SHB: variants seen among roughly 807,000 people sequenced by gnomAD.
The protein encoded by SHB is SH2 domain-containing adapter protein B.
SHB carries 20 observed loss-of-function variants against 52.3 expected under a neutral mutation model. The ratio of observed to expected loss-of-function variants is 0.38; its 90% CI spans 0.27 to 0.56. The LOEUF is 0.56. Ranked by LOEUF, SHB falls within the 20% of genes least tolerant of loss-of-function variation. The probability of loss-of-function intolerance (pLI) is 0.71; values close to 1 mark genes in which losing one functional copy is unlikely to be tolerated. For missense variants in SHB, 825 were observed against 723.3 expected (o/e 1.14, Z -1.61); for synonymous variants, 397 against 316.5 (o/e 1.25, Z -2.70).
chr9:38,010,371 G>T (rs188183580), intron 2 of SHB, among the ~76,000 whole-genome samples: 2 of 152,288 alleles, frequency 1.3e-5, no homozygotes, highest in East Asian at 3.9e-4. Context: ...GTGAAGAGAC[G>T]ATCTCAGGCA....
rs532048583 is a variant in SHB, at chr9:38,018,873, C to T, written c.718-2742G>A. 5.4e-4 allele frequency among the ~76,000 whole-genome samples: 82 copies of T among 152,354 alleles called. 1 individual carries two copies. The highest frequency in any genetic ancestry group is 1.8e-3 in the African/African-American group (76 of 41,576). On this transcript the variant is annotated intron_variant, in intron 1 of 5. Transcript: ENST00000377707. Reference sequence around the variant, plus strand: ...GGCCATGCAGAAGGTTTGTGTGAAGCGTGCTGCTTTTTTGAGCTAAAAGAA... The same window carrying T: ...GGCCATGCAGAAGGTTTGTGTGAAGTGTGCTGCTTTTTTGAGCTAAAAGAA...
At position 37,983,487 on chromosome 9, in the gene SHB, C is replaced by T. The variant is rs1004915390; in HGVS notation, c.839-8650G>A. Among the ~76,000 whole-genome samples the T allele has an allele frequency of 3.9e-5, 6 of 152,156 alleles. No homozygotes were observed. The East Asian group carries it at 9.7e-4, about 25-fold the overall frequency. On this transcript the variant is annotated intron_variant, in intron 2 of 5. Coordinates refer to ENST00000377707, the MANE Select transcript of SHB (RefSeq NM_003028.3). ...GGAGTGATGCCCAGGAACCTCTGGG[C>T]AGGGAGGAGCTGGGCAGGACACAGG...
intron 1 of SHB, among the ~76,000 whole-genome samples, chr9:38,035,811 G>A (rs2118125713): frequency 6.6e-6 from 1 of 152,170 alleles, no homozygotes; most frequent in African/African-American, 2.4e-5. Flanking sequence ...AAAAACTCCT[G>A]GGGAGCTTTT....
Position 38,016,000 on chromosome 9 carries a change from G to C in SHB, c.838+11C>G, listed in dbSNP as rs764835571. On this transcript the variant is annotated intron_variant, in intron 2 of 5. Transcript: ENST00000377707. ...CCCAGCTGTGAGCCCCTGCGCTTCA[G>C]CTCCACTTACCTGTCATGATCCTCT... 18 of 1,613,746 alleles carry C rather than the reference G, an allele frequency of 1.1e-5. No homozygotes were observed. The East Asian group carries it at 1.6e-4, about 14-fold the overall frequency.
At chr9:38,062,137 C>T (rs1821902597) in intron 1 of SHB, among the ~76,000 whole-genome samples, 1 of 152,106 alleles carries the variant, frequency 6.6e-6, no homozygotes, top group Admixed American at 6.6e-5. Context: ...ACATATATTC[C>T]AGTAAATATC....
chr9:38,007,695 G>A (rs1338134729), intron 2 of SHB, among the ~76,000 whole-genome samples: 3 of 152,212 alleles, frequency 2.0e-5, no homozygotes, highest in Non-Finnish European at 2.9e-5. Context: ...GGTACTTCAG[G>A]TTCTAACAGG....
rs759458297 is a variant in SHB, at chr9:38,068,637, C to T, written c.9G>A (p.Lys3=). Residue 3 remains lysine, a synonymous_variant, in exon 1 of 6, where the codon AAG becomes AAA. Coordinates refer to ENST00000377707, the MANE Select transcript of SHB (RefSeq NM_003028.3). MA[K]WLNKYFSLGN... ...CCAAGCTGAAGTACTTGTTTAGCCA[C>T]TTGGCCATGGCGAGAGGCCGCCTAG... 6.9e-7 allele frequency: 1 copy of T among 1,457,022 alleles called. No homozygotes were observed. The highest frequency in any genetic ancestry group is 9.0e-7 in the Non-Finnish European group (1 of 1,113,936). The allele number at this position is 1,457,022 out of a possible 1,614,324, so 90.3% of individuals were successfully genotyped here.
chr9:38,018,490 T>G lies in SHB; in HGVS notation c.718-2359A>C, dbSNP rs1465277286. Reference sequence around the variant, plus strand: ...GGTTCCAGTTATACCTGCTGACAGTTGAAAATCCTTCCATTGAAAAAAAAA... The same window carrying G: ...GGTTCCAGTTATACCTGCTGACAGTGGAAAATCCTTCCATTGAAAAAAAAA... On this transcript the variant is annotated intron_variant, in intron 1 of 5. Transcript: ENST00000377707. 4.2e-5 allele frequency among the ~76,000 whole-genome samples: 6 copies of G among 142,764 alleles called. No individual in the cohort carries two copies. In the East Asian group the frequency reaches 1.2e-3, roughly 28 times the overall value. The allele number at this position is 142,764 out of a possible 152,430, so 93.7% of individuals were successfully genotyped here.
intron 3 of SHB, among the ~76,000 whole-genome samples, chr9:37,968,368 T>C (rs371927437): frequency 9.2e-5 from 14 of 152,212 alleles, no homozygotes; most frequent in African/African-American, 3.1e-4. Flanking sequence ...AGCCGGCATG[T>C]GAACTTGGGA....
chr9:37,948,813 C>T (rs1270606765), intron 4 of SHB, 59 bp from the exon 5 acceptor site: 1 of 1,604,738 alleles, frequency 6.2e-7, no homozygotes, highest in Non-Finnish European at 8.5e-7. Context: ...ATGGCCCTGA[C>T]CTGCCTTGGG....
chr9:37,989,471 G>A (rs543834846), intron 2 of SHB, among the ~76,000 whole-genome samples: 10 of 152,088 alleles, frequency 6.6e-5, no homozygotes, highest in Admixed American at 5.9e-4. Flanking sequence ...ACCTGCCAGG[G>A]GTCAACCAAA....
At chr9:37,922,399 G>A (rs1832193645) in intron 5 of SHB, among the ~76,000 whole-genome samples, 1 of 152,196 alleles carries the variant, frequency 6.6e-6, no homozygotes, top group African/African-American at 2.4e-5. Context: ...GGCTTAGAAT[G>A]GCCACCAAGT....
At chr9:38,043,168 C>G (rs748956221) in intron 1 of SHB, among the ~76,000 whole-genome samples, 21 of 152,328 alleles carry the variant, frequency 1.4e-4, no homozygotes, top group Non-Finnish European at 7.4e-5. Flanking sequence ...ATCAATCCAT[C>G]TGACACACTG....
chr9:38,023,541 C>T (rs1052204388), intron 1 of SHB, among the ~76,000 whole-genome samples: 4 of 152,148 alleles, frequency 2.6e-5, no homozygotes, highest in Admixed American at 1.3e-4. Flanking sequence ...AGGACAAAGA[C>T]GTGAAAAGAA....
intron 5 of SHB, chr9:37,936,847 C>G (rs1184234291): frequency 1.3e-5 from 2 of 152,186 alleles, no homozygotes; most frequent in Non-Finnish European, 2.9e-5. Context: ...CAAGGGAAAA[C>G]TGAACAGCCA....
intron 1 of SHB, among the ~76,000 whole-genome samples, chr9:38,055,302 C>T (rs1300986954): frequency 6.6e-6 from 1 of 152,138 alleles, no homozygotes; most frequent in African/African-American, 2.4e-5. Flanking sequence ...ATGTCATCAA[C>T]CTCACAGCAA....
At chr9:38,049,756 T>C (rs1044561171) in intron 1 of SHB, among the ~76,000 whole-genome samples, 10 of 150,628 alleles carry the variant, frequency 6.6e-5, no homozygotes, top group East Asian at 2.0e-4. Context: ...GCTTCCCTCA[T>C]AGGCCCCTAG....
At chr9:38,017,881 AG>A (rs1483959608) in intron 1 of SHB, among the ~76,000 whole-genome samples, 1 of 152,060 alleles carries the variant, frequency 6.6e-6, no homozygotes, top group Non-Finnish European at 1.5e-5. Flanking sequence ...TACCATTTGC[AG>A]AATACATTAG....
chr9:37,948,819 T>A, intron 4 of SHB, 65 bp from the exon 5 acceptor site: 1 of 1,597,522 alleles, frequency 6.3e-7, no homozygotes, highest in Non-Finnish European at 8.5e-7. Context: ...CTGACCTGCC[T>A]TGGGAGACTC....
Sources: allele counts gnomAD v4.1 joint callset (sites outside exome capture counted in the v4.1 genomes callset), GRCh38; gene constraint gnomAD v4.1.1; transcripts MANE v1.5; gene names NCBI Gene and HGNC (gene_info 2026-07-23, HGNC 2026-07-21).